Variants in RGS12 observed in about 807,000 individuals in gnomAD.
RGS12 encodes regulator of G protein signaling 12.
In RGS12, 66 loss-of-function variants were observed where a neutral mutation model predicts 120.1. That is an observed-to-expected ratio of 0.55 (90% CI 0.45 to 0.67). RGS12 has a LOEUF of 0.67. RGS12 is among the 30% of genes least tolerant of loss of function. The probability of loss-of-function intolerance (pLI) is 0.00; values close to 1 mark genes in which losing one functional copy is unlikely to be tolerated. For missense variants in RGS12, 1,859 were observed against 1,957.7 expected (o/e 0.95, Z 0.95); for synonymous variants, 827 against 804.7 (o/e 1.03, Z -0.47).
intron 2 of RGS12, among the ~76,000 whole-genome samples, chr4:3,338,933 A>G (rs552347556): frequency 1.3e-5 from 2 of 152,286 alleles, no homozygotes; most frequent in East Asian, 3.9e-4. Flanking sequence ...AAACTTTGTC[A>G]ATTTGAGAAA....
At position 3,343,106 on chromosome 4, in the gene RGS12, A is replaced by G. The variant is rs1041319670; in HGVS notation, c.1998+53A>G. On this transcript the variant is annotated intron_variant, in intron 3 of 17. Transcript: ENST00000336727. ...TCTCCTTCAAGTTTTAAAAAATGCA[A>G]GTCCACCTTGCAGATACGTCTGGCT... 4 of 1,357,684 alleles carry G rather than the reference A, an allele frequency of 2.9e-6. No homozygotes were observed. In the East Asian group the frequency reaches 9.2e-5, roughly 31 times the overall value. 84.1% of individuals were successfully genotyped at this position (1,357,684 alleles called of 1,614,324 possible).
chr4:3,332,510 G>C (rs1578748275), intron 2 of RGS12, among the ~76,000 whole-genome samples: 1 of 152,336 alleles, frequency 6.6e-6, no homozygotes, highest in African/African-American at 2.4e-5. Flanking sequence ...CCTGTCTCCA[G>C]GTAGGCTTGC....
intron 17 of RGS12, 189 bp downstream of exon 17, chr4:3,431,144 T>C: frequency 7.0e-7 from 1 of 1,425,494 alleles, no homozygotes; most frequent in African/African-American, 1.4e-5. Context: ...CCCAGGCCAG[T>C]GTCTGTCAGG....
chr4:3,436,999 A>C (rs1201280843), intron 17 of RGS12, among the ~76,000 whole-genome samples: 1 of 152,188 alleles, frequency 6.6e-6, no homozygotes, highest in Non-Finnish European at 1.5e-5. Flanking sequence ...TGAGACCAGG[A>C]GGCCAGGCCC....
intron 1 of RGS12, among the ~76,000 whole-genome samples, chr4:3,297,859 C>G (rs918879323): frequency 6.6e-6 from 1 of 152,140 alleles, no homozygotes; most frequent in East Asian, 1.9e-4. Flanking sequence ...GCTCACTCCT[C>G]GTTTTGCTGA....
At chr4:3,295,209 G>A (rs1302539202) in intron 1 of RGS12, among the ~76,000 whole-genome samples, 3 of 152,214 alleles carry the variant, frequency 2.0e-5, no homozygotes, top group African/African-American at 7.2e-5. Context: ...CTGTGGGAAG[G>A]TCGGGGGTAG....
At chr4:3,373,020 C>G (rs1717199479) in intron 3 of RGS12, among the ~76,000 whole-genome samples, 1 of 152,196 alleles carries the variant, frequency 6.6e-6, no homozygotes, top group Admixed American at 6.5e-5. Flanking sequence ...CCCGGCGTGG[C>G]TGCGGTCACA....
chr4:3,346,710 A>G (rs866185758), intron 3 of RGS12, among the ~76,000 whole-genome samples: 2 of 152,226 alleles, frequency 1.3e-5, no homozygotes, highest in South Asian at 2.1e-4. Context: ...CTTCAGAAAC[A>G]TGGCTGCTTC....
intron 3 of RGS12, among the ~76,000 whole-genome samples, chr4:3,371,330 T>G (rs1716962893): frequency 6.6e-6 from 1 of 152,246 alleles, no homozygotes; most frequent in Admixed American, 6.5e-5. Context: ...CTGTAACCTC[T>G]GTTTCATATC....
upstream of RGS12, among the ~76,000 whole-genome samples, chr4:3,291,113 G>A (rs892354970): frequency 3.9e-5 from 6 of 152,174 alleles, no homozygotes; most frequent in Non-Finnish European, 5.9e-5. Context: ...CCTGGAGGCC[G>A]GGCAAGTGTA....
chr4:3,309,821 T>C (rs10023046), intron 1 of RGS12, among the ~76,000 whole-genome samples: 1,210 of 63,828 alleles, frequency 0.019, 18 homozygotes, highest in Middle Eastern at 0.057. Context: ...AGCTGGGACT[T>C]GGGAATGGCA....
At chr4:3,309,506 A>AACCGTGTGGGGGAGGAGCTGGGACCCGGG (rs1724200120) in intron 1 of RGS12, among the ~76,000 whole-genome samples, 85 of 48,032 alleles carry the variant, frequency 1.8e-3, no homozygotes, top group Middle Eastern at 0.016. Context: ...GGGACCCGGG[A>AACCGTGTGGGGGAGGAGCTGGGACCCGGG]AATGGCAGGT....
chr4:3,319,159 G>A (rs1485741738), intron 2 of RGS12, among the ~76,000 whole-genome samples: 1 of 152,138 alleles, frequency 6.6e-6, no homozygotes, highest in Non-Finnish European at 1.5e-5. Flanking sequence ...GGCTGCCGTG[G>A]CACACGCCTG....
At position 3,430,788 on chromosome 4, in the gene RGS12, T is replaced by A; in HGVS notation, c.3947T>A (p.Ile1316Asn). 1 of 1,611,526 alleles carries A rather than the reference T, an allele frequency of 6.2e-7. No homozygotes were observed. Among genetic ancestry groups the A allele is most frequent in the Middle Eastern group, 1.7e-4 (1 of 6,052 alleles). Reference sequence around the variant, plus strand: ...CTCGCGCAGGAGGGCACCGCCCAGATCTGGAAGAGGCAGTCTCAGGAAGTG... The same window carrying A: ...CTCGCGCAGGAGGGCACCGCCCAGAACTGGAAGAGGCAGTCTCAGGAAGTG... ...VSLAQEGTAQIWKRQSQEVEA... is the reference protein window; with the variant it reads ...VSLAQEGTAQNWKRQSQEVEA... Residue 1316 changes from isoleucine (I) to asparagine (N), a missense_variant, in exon 17 of 18, where the codon ATC becomes AAC. Around this residue, in one of 3 missense-constraint regions of RGS12, gnomAD observed 517 missense variants for 488.5 expected, o/e 1.06. Transcript: ENST00000336727.
intron 4 of RGS12, among the ~76,000 whole-genome samples, chr4:3,404,832 T>C (rs1720942651): frequency 1.3e-5 from 2 of 152,242 alleles, no homozygotes; most frequent in South Asian, 2.1e-4. Flanking sequence ...GTAGAGGGTG[T>C]CAGGCTCTGT....
chr4:3,307,611 C>T (rs1032790367), intron 1 of RGS12, among the ~76,000 whole-genome samples: 1 of 152,248 alleles, frequency 6.6e-6, no homozygotes, highest in African/African-American at 2.4e-5. Flanking sequence ...CTTCCCTCCT[C>T]CCCTCACTCG....
At chr4:3,357,792 C>A (rs1254117303) in intron 3 of RGS12, among the ~76,000 whole-genome samples, 2 of 152,086 alleles carry the variant, frequency 1.3e-5, no homozygotes, top group Admixed American at 1.3e-4. Context: ...AGTACAAGTC[C>A]TCTAGCTTTG....
At chr4:3,333,931 T>C (rs1200472309) in intron 2 of RGS12, among the ~76,000 whole-genome samples, 1 of 152,222 alleles carries the variant, frequency 6.6e-6, no homozygotes, top group Non-Finnish European at 1.5e-5. Flanking sequence ...ATCTCTCTTC[T>C]CTCTCATTTT....
intron 3 of RGS12, among the ~76,000 whole-genome samples, chr4:3,362,210 G>A (rs1715639082): frequency 6.6e-6 from 1 of 152,178 alleles, no homozygotes; most frequent in African/African-American, 2.4e-5. Flanking sequence ...CATGGGGTGT[G>A]GGTGGGGTTC....
Sources: allele counts gnomAD v4.1 joint callset (sites outside exome capture counted in the v4.1 genomes callset), GRCh38; gene constraint gnomAD v4.1.1; regional missense constraint gnomAD v4.1.1; transcripts MANE v1.5; gene names NCBI Gene and HGNC (gene_info 2026-07-23, HGNC 2026-07-21).